EPHB1: variants seen among roughly 807,000 people sequenced by gnomAD.
EPHB1 encodes the protein ephrin type-B receptor 1.
EPHB1 carries 30 observed loss-of-function variants against 94.4 expected under a neutral mutation model. The ratio of observed to expected loss-of-function variants is 0.32; its 90% CI spans 0.24 to 0.43. EPHB1 has a LOEUF of 0.43. EPHB1 is among the 20% of genes least tolerant of loss of function. The pLI, the probability that EPHB1 is intolerant of heterozygous loss-of-function variation, is 1.00. For synonymous variants in EPHB1, 522 were observed against 489.1 expected (o/e 1.07, Z -0.89); for missense variants, 1,055 against 1,308.3 (o/e 0.81, Z 2.99).
At chr3:135,019,378 G>A (rs1178304824) in intron 3 of EPHB1, among the ~76,000 whole-genome samples, 2 of 152,182 alleles carry the variant, frequency 1.3e-5, no homozygotes, top group Non-Finnish European at 2.9e-5. Context: ...TCATGTGTGT[G>A]CAAAGCAGAC....
chr3:134,868,714 G>T (rs1428061678), intron 1 of EPHB1, among the ~76,000 whole-genome samples: 5 of 152,186 alleles, frequency 3.3e-5, no homozygotes, highest in Non-Finnish European at 7.3e-5. Context: ...AAAACAATAA[G>T]ACATATTCCT....
chr3:135,095,393 C>G (rs1341945108), intron 3 of EPHB1, among the ~76,000 whole-genome samples: 1 of 152,128 alleles, frequency 6.6e-6, no homozygotes, highest in Non-Finnish European at 1.5e-5. Context: ...TTCTAGATAG[C>G]TCTTGAATCT....
chr3:135,214,811 C>A (rs1943110193), intron 12 of EPHB1, among the ~76,000 whole-genome samples: 2 of 152,134 alleles, frequency 1.3e-5, no homozygotes, highest in Non-Finnish European at 2.9e-5. Flanking sequence ...CCAATTGATC[C>A]CTGTGTTCAG....
chr3:135,048,252 CT>C (rs1323642991), intron 3 of EPHB1, among the ~76,000 whole-genome samples: 4 of 83,432 alleles, frequency 4.8e-5, no homozygotes, highest in Non-Finnish European at 9.1e-5. Context: ...TTCTTTCTTT[CT>C]TTTTTCTTTT....
intron 2 of EPHB1, among the ~76,000 whole-genome samples, chr3:134,940,569 C>T (rs1384288921): frequency 1.3e-5 from 2 of 152,168 alleles, no homozygotes; most frequent in Admixed American, 6.5e-5. Context: ...CACCTTCTTG[C>T]CCTGGGGAAC....
intron 1 of EPHB1, among the ~76,000 whole-genome samples, chr3:134,842,820 A>G (rs58687691): frequency 0.066 from 10,077 of 152,226 alleles, 349 homozygotes; most frequent in African/African-American, 0.089. Context: ...CTTCTCCCCC[A>G]TGAAGCATGT....
In EPHB1 at chr3:135,157,792, A is replaced by G. The variant is rs553750082; in HGVS notation, c.1422+3516A>G. Among the ~76,000 whole-genome samples, 13 of 152,356 alleles carry G rather than the reference A, an allele frequency of 8.5e-5. No individual in the cohort carries two copies. In the South Asian group the frequency reaches 2.3e-3, roughly 27 times the overall value. On this transcript the variant is annotated intron_variant, in intron 6 of 15. Transcript: ENST00000398015. ...CCTTTTGAAACAATGATGATAATTCATCGTATGTTGAGTATCTATTATGTG... is the reference window on the plus strand; with the variant it reads ...CCTTTTGAAACAATGATGATAATTCGTCGTATGTTGAGTATCTATTATGTG...
At chr3:134,802,159 G>T (rs1175374889) in intron 1 of EPHB1, among the ~76,000 whole-genome samples, 1 of 151,502 alleles carries the variant, frequency 6.6e-6, no homozygotes, top group Non-Finnish European at 1.5e-5. Flanking sequence ...CTGACAGGCC[G>T]GGCGCGGTGG....
At chr3:135,240,054 T>G (rs1046029123) in intron 12 of EPHB1, among the ~76,000 whole-genome samples, 3 of 152,168 alleles carry the variant, frequency 2.0e-5, no homozygotes, top group African/African-American at 7.2e-5. Flanking sequence ...AAACTGCTTC[T>G]CTAACAGCTC....
At chr3:135,237,005 G>A (rs1943671435) in intron 12 of EPHB1, among the ~76,000 whole-genome samples, 1 of 152,156 alleles carries the variant, frequency 6.6e-6, no homozygotes, top group African/African-American at 2.4e-5. Flanking sequence ...CTGGCTGGAT[G>A]GTGTTAGGGA....
intron 7 of EPHB1, among the ~76,000 whole-genome samples, chr3:135,164,271 G>A (rs186108229): frequency 9.2e-5 from 14 of 152,270 alleles, no homozygotes; most frequent in Admixed American, 7.8e-4. Context: ...TAAAATTCTA[G>A]AGAATGGGAG....
chr3:135,131,603 T>A lies in EPHB1; in HGVS notation c.962-1111T>A, dbSNP rs183789269. Among the ~76,000 whole-genome samples the A allele has an allele frequency of 2.8e-4, 42 of 152,348 alleles. 2 individuals carry two copies. Among genetic ancestry groups the A allele is most frequent in the Admixed American group, 8.5e-4 (13 of 15,294 alleles). On this transcript the variant is annotated intron_variant, in intron 4 of 15. Coordinates refer to ENST00000398015, the MANE Select transcript of EPHB1 (RefSeq NM_004441.5). ...GGGAACCTGAGGCTATGATCTGTTC[T>A]GGTTTTGGGCAGCAGATTCTCCAAC...
chr3:134,916,089 C>T (rs1481565885), intron 1 of EPHB1, among the ~76,000 whole-genome samples: 1 of 151,984 alleles, frequency 6.6e-6, no homozygotes, highest in Non-Finnish European at 1.5e-5. Flanking sequence ...TAGACACAAA[C>T]GTTCTCCAAG....
chr3:135,129,490 C>G (rs891823698), intron 4 of EPHB1, among the ~76,000 whole-genome samples: 1 of 152,206 alleles, frequency 6.6e-6, no homozygotes, highest in African/African-American at 2.4e-5. Context: ...TCCTGTCTCA[C>G]GCTGGAGAGG....
At chr3:135,097,019 C>T (rs559721983) in intron 3 of EPHB1, among the ~76,000 whole-genome samples, 2 of 150,918 alleles carry the variant, frequency 1.3e-5, no homozygotes, top group East Asian at 3.9e-4. Context: ...TCGCTTGAAC[C>T]CTGGAGGTGG....
intron 4 of EPHB1, among the ~76,000 whole-genome samples, chr3:135,122,690 C>G (rs968954506): frequency 4.6e-5 from 7 of 152,170 alleles, no homozygotes; most frequent in Non-Finnish European, 1.0e-4. Flanking sequence ...TGTCTCTTTT[C>G]CCAGAATGTA....
chr3:134,971,937 T>C (rs904547959), intron 3 of EPHB1, among the ~76,000 whole-genome samples: 16 of 152,228 alleles, frequency 1.1e-4, no homozygotes, highest in African/African-American at 3.1e-4. Context: ...TCATCAGACC[T>C]GTGAGGGTGA....
chr3:135,065,281 G>A (rs1162810131), intron 3 of EPHB1, among the ~76,000 whole-genome samples: 1 of 152,100 alleles, frequency 6.6e-6, no homozygotes, highest in Admixed American at 6.6e-5. Flanking sequence ...TTGATGACCT[G>A]TCTAGTGCTG....
intron 12 of EPHB1, among the ~76,000 whole-genome samples, chr3:135,207,388 T>G (rs1305272197): frequency 6.6e-6 from 1 of 152,206 alleles, no homozygotes; most frequent in Non-Finnish European, 1.5e-5. Context: ...TACAAACAAT[T>G]TATTCAAGTG....
Sources: gnomAD v4.1 joint callset for allele counts (sites outside exome capture counted in the v4.1 genomes callset) on GRCh38, gnomAD v4.1.1 for gene constraint, MANE v1.5 for transcripts, NCBI Gene and HGNC (gene_info 2026-07-23, HGNC 2026-07-21) for gene names.